The following SNU13 variants were observed in gnomAD, a reference collection of about 807,000 sequenced individuals.
The protein encoded by SNU13 is small nuclear ribonucleoprotein 13.
Under a neutral mutation model 12.4 loss-of-function variants are expected in SNU13, and 2 were observed. That is an observed-to-expected ratio of 0.16 (90% CI 0.07 to 0.51). The LOEUF (loss-of-function observed/expected upper bound fraction) is 0.51. Ranked by LOEUF, SNU13 falls within the 20% of genes least tolerant of loss-of-function variation. The probability of loss-of-function intolerance (pLI) is 0.96; values close to 1 mark genes in which losing one functional copy is unlikely to be tolerated. For synonymous variants in SNU13, 68 were observed against 66.5 expected (o/e 1.02, Z -0.11); for missense variants, 66 against 157.8 (o/e 0.42, Z 3.12).
At chr22:41,677,862 T>C (rs2068227428) in intron 2 of SNU13, among the ~76,000 whole-genome samples, 1 of 152,124 alleles carries the variant, frequency 6.6e-6, no homozygotes, top group South Asian at 2.1e-4. Context: ...AACACCCTCA[T>C]CTATTCAGTT....
intron 1 of SNU13, chr22:41,687,601 A>C (rs1367304746): frequency 6.6e-6 from 1 of 152,222 alleles, no homozygotes; most frequent in Non-Finnish European, 1.5e-5. Flanking sequence ...TAAATTAACG[A>C]ATGATATCAT....
At chr22:41,683,708 T>C (rs2068285431) in intron 1 of SNU13, among the ~76,000 whole-genome samples, 1 of 152,180 alleles carries the variant, frequency 6.6e-6, no homozygotes, top group Non-Finnish European at 1.5e-5. Context: ...TTTATATCTA[T>C]TCTAAATTGA....
intron 1 of SNU13, among the ~76,000 whole-genome samples, chr22:41,687,150 G>T (rs1025051678): frequency 6.7e-6 from 1 of 150,156 alleles, no homozygotes; most frequent in Non-Finnish European, 1.5e-5. Context: ...GTAGAAACAG[G>T]GTTTCACTAT....
rs1242584494 is a variant in SNU13 at position 41,674,938 on chromosome 22, C to G, written c.382G>C (p.Val128Leu). ...ACGTGGCAGAGGCCACAGGTTTAGA[C>G]TAAGAGCCTTTCAATGGACTGCTGA... is the stretch of plus-strand genomic sequence containing the variant. ...SIQQSIERLL[V>L] The change falls in exon 3 of 3, where the codon GTC (valine) becomes CTC (leucine). Residue 128 changes from valine (V) to leucine (L), a missense_variant. Val to Leu is a conservative substitution (Grantham distance 32). Coordinates refer to ENST00000401959, the MANE Select transcript of SNU13 (RefSeq NM_001003796.2). 1 of 1,613,192 alleles carries G rather than the reference C, an allele frequency of 6.2e-7. No homozygotes were observed. The highest frequency in any genetic ancestry group is 8.5e-7 in the Non-Finnish European group (1 of 1,179,776).
At chr22:41,682,601 G>A (rs1342211152) in intron 1 of SNU13, 1 of 1,425,114 alleles carries the variant, frequency 7.0e-7, no homozygotes, top group East Asian at 2.6e-5. Context: ...GGAAGAATTA[G>A]GTGAAGGATG....
At chr22:41,680,459 A>T in intron 1 of SNU13, 95 bp from the exon 2 acceptor site, 1 of 1,368,734 alleles carries the variant, frequency 7.3e-7, no homozygotes, top group Non-Finnish European at 1.0e-6. Flanking sequence ...CACAGGGGGC[A>T]GCTGCCCTGC....
intron 1 of SNU13, among the ~76,000 whole-genome samples, chr22:41,687,529 A>G (rs1195279012): frequency 6.6e-6 from 1 of 152,164 alleles, no homozygotes; most frequent in Non-Finnish European, 1.5e-5. Flanking sequence ...CTAGCTTATA[A>G]ACACTAATTG....
intron 1 of SNU13, chr22:41,682,591 G>A (rs1231611243): frequency 7.0e-7 from 1 of 1,434,296 alleles, no homozygotes; most frequent in Non-Finnish European, 9.1e-7. Context: ...AGGACAACTA[G>A]GAAGAATTAG....
At chr22:41,687,197 T>G (rs928630829) in intron 1 of SNU13, among the ~76,000 whole-genome samples, 1 of 151,898 alleles carries the variant, frequency 6.6e-6, no homozygotes, top group Non-Finnish European at 1.5e-5. Context: ...GACCCCATGA[T>G]CCACCCGCCT....
intron 1 of SNU13, among the ~76,000 whole-genome samples, chr22:41,685,134 G>A (rs979019737): frequency 1.2e-4 from 14 of 118,894 alleles, no homozygotes; most frequent in African/African-American, 2.0e-4. Flanking sequence ...CAGCCTGGGC[G>A]AAAGAGTGAA....
intron 2 of SNU13, among the ~76,000 whole-genome samples, chr22:41,679,070 C>T (rs531791113): frequency 2.6e-5 from 4 of 151,742 alleles, no homozygotes; most frequent in Non-Finnish European, 2.9e-5. Context: ...CCAGCCTGGG[C>T]GACAGAGCGA....
At chr22:41,679,756 G>C (rs1226386766) in intron 2 of SNU13, 2 of 151,398 alleles carry the variant, frequency 1.3e-5, no homozygotes, top group African/African-American at 4.9e-5. Context: ...ACAATACAGA[G>C]AAGATTAGCA....
intron 1 of SNU13, among the ~76,000 whole-genome samples, chr22:41,685,779 A>G (rs188099986): frequency 0.016 from 2,461 of 151,804 alleles, 48 homozygotes; most frequent in Admixed American, 0.059. Context: ...CAGCCTGACC[A>G]ACACGGCAAA....
chr22:41,675,662 T>C (rs1269994866), intron 2 of SNU13, among the ~76,000 whole-genome samples: 17 of 151,564 alleles, frequency 1.1e-4, no homozygotes. Flanking sequence ...CCTCAAGTGA[T>C]CCACCCACCT....
At chr22:41,682,663 T>A (rs2068275387) in intron 1 of SNU13, 2 of 842,060 alleles carry the variant, frequency 2.4e-6, no homozygotes, top group Admixed American at 6.9e-5. Flanking sequence ...AAGACCTCCA[T>A]ATTATTTTTC....
At chr22:41,686,374 G>A (rs2068310227) in intron 1 of SNU13, among the ~76,000 whole-genome samples, 2 of 149,336 alleles carry the variant, frequency 1.3e-5, no homozygotes, top group South Asian at 2.1e-4. Flanking sequence ...GCGCAATCTC[G>A]GCTCACCGAA....
At chr22:41,680,215 T>G in intron 2 of SNU13, 29 bp downstream of exon 2, 1 of 1,593,512 alleles carries the variant, frequency 6.3e-7, no homozygotes. Flanking sequence ...CCTTTAACAT[T>G]CCCCCAGAGC....
intron 2 of SNU13, among the ~76,000 whole-genome samples, chr22:41,678,007 A>C (rs1289637234): frequency 6.9e-6 from 1 of 145,390 alleles, no homozygotes; most frequent in Non-Finnish European, 1.5e-5. Flanking sequence ...ACGGAGTCTC[A>C]CTCTGTCGCC....
At chr22:41,683,075 C>G (rs1569109902) in intron 1 of SNU13, among the ~76,000 whole-genome samples, 2 of 152,194 alleles carry the variant, frequency 1.3e-5, no homozygotes, top group Non-Finnish European at 2.9e-5. Flanking sequence ...TCTTGGCTCA[C>G]TGCAACCTCC....
Sources: gnomAD v4.1 joint callset for allele counts (sites outside exome capture counted in the v4.1 genomes callset) on GRCh38, gnomAD v4.1.1 for gene constraint, MANE v1.5 for transcripts, NCBI Gene and HGNC (gene_info 2026-07-23, HGNC 2026-07-21) for gene names.